C1orf94: variants seen among roughly 807,000 people sequenced by gnomAD.
The protein encoded by C1orf94 is chromosome 1 open reading frame 94.
C1orf94 carries 45 observed loss-of-function variants against 53.6 expected under a neutral mutation model. The observed-to-expected ratio is 0.84, with a 90% CI of 0.66 to 1.08. C1orf94 has a LOEUF of 1.08. Among genes scored for constraint, C1orf94 ranks in the 50% least tolerant of loss-of-function variants. The pLI is 0.00. For synonymous variants in C1orf94, 304 were observed against 296.1 expected (o/e 1.03, Z -0.27); for missense variants, 762 against 738.9 (o/e 1.03, Z -0.36).
chr1:34,207,260 GGGGTGTGTGT>G (rs1557488435), intron 4 of C1orf94, among the ~76,000 whole-genome samples: 3 of 90,664 alleles, frequency 3.3e-5, no homozygotes, highest in Non-Finnish European at 6.3e-5. Flanking sequence ...GCAGTTCTGC[GGGGTGTGTGT>G]GTGTGTGTGT....
chr1:34,169,713 C>G (rs1418921837), intron 1 of C1orf94, among the ~76,000 whole-genome samples: 1 of 151,650 alleles, frequency 6.6e-6, no homozygotes, highest in African/African-American at 2.4e-5. Flanking sequence ...AGAAGGGCTA[C>G]AGGACAAAGA....
chr1:34,205,682 G>A (rs1642780645), intron 4 of C1orf94, among the ~76,000 whole-genome samples: 1 of 152,220 alleles, frequency 6.6e-6, no homozygotes, highest in South Asian at 2.1e-4. Flanking sequence ...GGGTCAGAGA[G>A]CTCCACAGAC....
At chr1:34,199,882 A>G (rs969412698) in intron 2 of C1orf94, among the ~76,000 whole-genome samples, 1 of 152,060 alleles carries the variant, frequency 6.6e-6, no homozygotes, top group African/African-American at 2.4e-5. Flanking sequence ...TTCCTCCCCA[A>G]TACCCCTGGA....
At chr1:34,212,570 C>A (rs1246826920) in intron 6 of C1orf94, among the ~76,000 whole-genome samples, 164 bp downstream of exon 6, 1 of 152,032 alleles carries the variant, frequency 6.6e-6, no homozygotes, top group Non-Finnish European at 1.5e-5. Flanking sequence ...CCTGGAGGGA[C>A]CTGGTGCAGA....
Position 34,168,086 on chromosome 1 carries a change from G to T in C1orf94, c.-251+915G>T, listed in dbSNP as rs537125418. Among the ~76,000 whole-genome samples, 16 of 152,232 alleles carry T rather than the reference G, an allele frequency of 1.1e-4. No homozygotes were observed. The South Asian group carries it at 2.3e-3, about 22-fold the overall frequency. On this transcript the variant is annotated intron_variant, in intron 1 of 6. Coordinates refer to the C1orf94 transcript ENST00000373374. ...TATGGTGCTAGGAGAAACAATATGG[G>T]GATGTGCTTTAAGGAGATGGTCTGA...
upstream of C1orf94, among the ~76,000 whole-genome samples, chr1:34,173,668 G>A (rs1230318410): frequency 6.6e-6 from 1 of 152,190 alleles, no homozygotes; most frequent in African/African-American, 2.4e-5. Context: ...CGTAAAACAA[G>A]TCTATGAGGT....
chr1:34,186,104 T>C (rs1642381110), intron 1 of C1orf94, among the ~76,000 whole-genome samples: 1 of 152,236 alleles, frequency 6.6e-6, no homozygotes, highest in South Asian at 2.1e-4. Context: ...ACATTCCTCT[T>C]TTTAATTGAA....
intron 1 of C1orf94, among the ~76,000 whole-genome samples, chr1:34,192,088 G>A (rs748867565): frequency 1.3e-5 from 2 of 152,170 alleles, no homozygotes; most frequent in Non-Finnish European, 2.9e-5. Context: ...GATAGAGTCT[G>A]TGATAGATTA....
At chr1:34,186,354 A>G (rs567150153) in intron 1 of C1orf94, among the ~76,000 whole-genome samples, 6 of 152,370 alleles carry the variant, frequency 3.9e-5, no homozygotes, top group South Asian at 2.1e-4. Flanking sequence ...ACTGGGAATA[A>G]GAGAAGGACT....
chr1:34,186,989 C>T (rs1642394002), intron 1 of C1orf94, among the ~76,000 whole-genome samples: 5 of 152,256 alleles, frequency 3.3e-5, no homozygotes, highest in Admixed American at 2.6e-4. Flanking sequence ...AAACTGCCAC[C>T]ACCCAGAGGT....
At chr1:34,184,920 T>C (rs1284414639) in intron 1 of C1orf94, among the ~76,000 whole-genome samples, 1 of 152,174 alleles carries the variant, frequency 6.6e-6, no homozygotes, top group Admixed American at 6.5e-5. Context: ...AAACTCAGGC[T>C]GATGTCTCAG....
chr1:34,198,814 C>A (rs895684991), intron 2 of C1orf94, among the ~76,000 whole-genome samples: 1 of 152,202 alleles, frequency 6.6e-6, no homozygotes, highest in Non-Finnish European at 1.5e-5. Context: ...CTGTGGATAG[C>A]AAGCTGAACT....
intron 4 of C1orf94, among the ~76,000 whole-genome samples, chr1:34,203,671 A>C (rs1322429152): frequency 6.6e-6 from 1 of 152,172 alleles, no homozygotes; most frequent in Admixed American, 6.5e-5. Flanking sequence ...ATCATAGCTA[A>C]AGGAGAAAAT....
rs1642252857 is a variant in C1orf94, at chr1:34,177,846, A to G, written c.57A>G (p.Lys19=). Residue 19 remains lysine, a synonymous_variant, in exon 1 of 7, where the codon AAA becomes AAG. Coordinates refer to ENST00000488417, the MANE Select transcript of C1orf94 (RefSeq NM_001134734.2). ...TGGGTGGACAGAGGGGCTTCCAGAA[A>G]GAGAGGAGGAGGATGGCCAGCGGGA... ...LALGGQRGFQ[K]ERRRMASGNG... 1.9e-6 allele frequency: 3 copies of G among 1,550,188 alleles called. No homozygotes were observed. The highest frequency in any genetic ancestry group is 2.6e-6 in the Non-Finnish European group (3 of 1,145,964).
intron 1 of C1orf94, among the ~76,000 whole-genome samples, chr1:34,185,158 C>G (rs1642366893): frequency 6.6e-6 from 1 of 152,036 alleles, no homozygotes; most frequent in African/African-American, 2.4e-5. Flanking sequence ...GTCTCCCTCT[C>G]TCTTTATTTT....
Position 34,211,379 on chromosome 1 carries a change from T to G in C1orf94, c.1525-831T>G, listed in dbSNP as rs188785417. Among the ~76,000 whole-genome samples the G allele has an allele frequency of 8.5e-3, 1,290 of 152,250 alleles. 21 individuals carry two copies. Among genetic ancestry groups the G allele is most frequent in the African/African-American group, 0.029 (1,208 of 41,532 alleles). ...GCTGGGGAGATAGTGGTCAACAAGATGGATGAGGTCTCTGACTTGTCGCGG... is the reference window on the plus strand; with the variant it reads ...GCTGGGGAGATAGTGGTCAACAAGAGGGATGAGGTCTCTGACTTGTCGCGG... On this transcript the variant is annotated intron_variant, in intron 5 of 6. Transcript: ENST00000488417.
intron 1 of C1orf94, among the ~76,000 whole-genome samples, chr1:34,169,352 C>A (rs943302532): frequency 1.3e-5 from 2 of 152,160 alleles, no homozygotes; most frequent in Admixed American, 1.3e-4. Flanking sequence ...CTCTCATTCT[C>A]CCTGTGAGCA....
chr1:34,168,011 A>G (rs1002227667), intron 1 of C1orf94, among the ~76,000 whole-genome samples: 1 of 152,224 alleles, frequency 6.6e-6, no homozygotes, highest in African/African-American at 2.4e-5. Flanking sequence ...GAAAATATGT[A>G]TACAAATACA....
chr1:34,211,341 G>C (rs148986357), intron 5 of C1orf94, among the ~76,000 whole-genome samples: 1 of 152,156 alleles, frequency 6.6e-6, no homozygotes, highest in South Asian at 2.1e-4. Context: ...TGTGTCCCAG[G>C]CACTGTCTTA....
Sources: gnomAD v4.1 joint callset for allele counts (sites outside exome capture counted in the v4.1 genomes callset) on GRCh38, gnomAD v4.1.1 for gene constraint, MANE v1.5 for transcripts, NCBI Gene and HGNC (gene_info 2026-07-23, HGNC 2026-07-21) for gene names.